Variants in KDM5C observed in about 807,000 individuals in gnomAD.
The protein encoded by KDM5C is lysine demethylase 5C.
KDM5C carries 16 observed loss-of-function variants against 110.6 expected under a neutral mutation model. That is an observed-to-expected ratio of 0.14 (90% CI 0.10 to 0.22). KDM5C has a LOEUF of 0.22. KDM5C is among the 10% of genes least tolerant of loss of function. The pLI is 1.00. For missense variants in KDM5C, 681 were observed against 1,300.9 expected (o/e 0.52, Z 7.33); for synonymous variants, 511 against 520.4 (o/e 0.98, Z 0.24).
intron 25 of KDM5C, among the ~76,000 whole-genome samples, chrX:53,184,107 C>T (rs112289115): frequency 0.029 from 3,260 of 112,346 alleles, 112 homozygotes; most frequent in African/African-American, 0.096. Context: ...TTTATTCTTT[C>T]AGATGCTATT....
chrX:53,193,876 AGGG>A, intron 23 of KDM5C, 25 bp from the exon 24 acceptor site: 1 of 1,175,731 alleles, frequency 8.5e-7, no homozygotes. Flanking sequence ...AAGAATAGGT[AGGG>A]GCAACTGAAG....
Position 53,194,173 on chromosome X carries a change from G to A in KDM5C, c.4004C>T (p.Pro1335Leu). 1.7e-6 allele frequency: 2 copies of A among 1,207,837 alleles called. No individual in the cohort carries two copies. Among genetic ancestry groups the A allele is most frequent in the Non-Finnish European group, 2.2e-6 (2 of 893,194 alleles). ...ATCCTTGCCACTGCCCTCTCTGAGG[G>A]GGTCAGAAGCAGGGGCTGCAGGGTA... The part of the protein sequence containing the change: ...PNYPAAPASD[P>L]LREGSGKDMP... The change falls in exon 23 of 26, where the codon CCC becomes CTC. Residue 1335 changes from proline to leucine, a missense_variant. Coordinates refer to ENST00000375401, the MANE Select transcript of KDM5C (RefSeq NM_004187.5).
chrX:53,213,744 A>C (rs1408539347), intron 8 of KDM5C, among the ~76,000 whole-genome samples: 1 of 111,977 alleles, frequency 8.9e-6, no homozygotes, highest in Non-Finnish European at 1.9e-5. Context: ...CCCATGATAC[A>C]CCATCTAAAA....
In KDM5C at chrX:53,193,159, CTCTTCCTCCTCCTGG is replaced by C; in HGVS notation, c.4476_4490del (p.Gln1493_Glu1497del). Reference sequence around the variant, plus strand: ...CCTCACCCCCAGTCTCCTCCTCCAGCTCTTCCTCCTCCTGGACCTCCTCAGCCTCTGGCCCTGAGC... The same window carrying C: ...CCTCACCCCCAGTCTCCTCCTCCAGCACCTCCTCAGCCTCTGGCCCTGAGC... On this transcript the variant is annotated inframe_deletion, in exon 26 of 26. Coordinates refer to ENST00000375401, the MANE Select transcript of KDM5C (RefSeq NM_004187.5). 8.3e-7 allele frequency: 1 copy of C among 1,210,868 alleles called. No homozygotes were observed. The highest frequency in any genetic ancestry group is 1.1e-6 in the Non-Finnish European group (1 of 895,221).
At chrX:53,212,306 CTTTTTT>C in intron 8 of KDM5C, 1 of 136,401 alleles carries the variant, frequency 7.3e-6, no homozygotes, top group Non-Finnish European at 1.4e-5. Flanking sequence ...AAATGTGATT[CTTTTTT>C]TTTTTTTTTT....
chrX:53,218,539 G>T, intron 2 of KDM5C, 141 bp from the exon 3 acceptor site: 1 of 720,739 alleles, frequency 1.4e-6, no homozygotes. Context: ...CCGGATCCCA[G>T]ACTCTAGGCA....
At chrX:53,182,035 G>A (rs182494562) in intron 25 of KDM5C, among the ~76,000 whole-genome samples, 6 of 110,777 alleles carry the variant, frequency 5.4e-5, no homozygotes, top group East Asian at 2.8e-4. Context: ...TGATTAGCCC[G>A]CCTCGGCCTC....
downstream of KDM5C, among the ~76,000 whole-genome samples, chrX:53,189,775 G>A: frequency 8.9e-6 from 1 of 112,979 alleles, no homozygotes; most frequent in East Asian, 2.8e-4. Context: ...GAGACAGACT[G>A]AGGCCTGGGC....
At chrX:53,222,591 C>T (rs2073927740) in intron 1 of KDM5C, among the ~76,000 whole-genome samples, 1 of 111,702 alleles carries the variant, frequency 9.0e-6, no homozygotes, top group South Asian at 3.8e-4. Flanking sequence ...TGGAATGCTA[C>T]GGCAGGAGCC....
chrX:53,225,144 C>T lies in KDM5C; in HGVS notation c.-255G>A. The T allele has an allele frequency of 2.9e-6, 1 of 349,717 alleles. No individual in the cohort carries two copies. The highest frequency in any genetic ancestry group is 7.8e-5 in the South Asian group (1 of 12,824). 28.8% of individuals were successfully genotyped at this position (349,717 alleles called of 1,213,427 possible). A position where few individuals can be genotyped will look rare whatever the true frequency, so the allele number is the denominator to read the frequency against. ...GTTGCCTCCCCACTACCGCAGCCTT[C>T]GCCACCACAGTTACCTCCCAAACGC... is the stretch of plus-strand genomic sequence containing the variant. On this transcript the variant is annotated 5_prime_UTR_variant, in exon 1 of 26. Coordinates refer to ENST00000375401, the MANE Select transcript of KDM5C (RefSeq NM_004187.5).
chrX:53,195,570 A>G lies in KDM5C; in HGVS notation c.3121-160T>C. On this transcript the variant is annotated intron_variant, in intron 20 of 25. Coordinates refer to ENST00000375401, the MANE Select transcript of KDM5C (RefSeq NM_004187.5). ...AACAACCACTTGGCTCTCTCCCACAACACCGGCATCTACTGACTGGCTCAG... is the reference window on the plus strand; with the variant it reads ...AACAACCACTTGGCTCTCTCCCACAGCACCGGCATCTACTGACTGGCTCAG... 3 of 543,692 alleles carry G rather than the reference A, an allele frequency of 5.5e-6. No individual in the cohort carries two copies. In the South Asian group the frequency reaches 8.2e-5, roughly 15 times the overall value. The allele number at this position is 543,692 out of a possible 1,213,427, so 44.8% of individuals were successfully genotyped here.
chrX:53,192,144 A>C (rs1357216014), downstream of KDM5C: 1 of 174,692 alleles, frequency 5.7e-6, no homozygotes, highest in Non-Finnish European at 1.1e-5. Flanking sequence ...AGAGAAATGC[A>C]CTTCAGAAAC....
At chrX:53,188,380 CT>C (rs782703729), downstream of KDM5C, among the ~76,000 whole-genome samples, 74 of 103,026 alleles carry the variant, frequency 7.2e-4, no homozygotes, top group East Asian at 2.1e-3. Flanking sequence ...AACTGACCTA[CT>C]TTTTTTTTTT....
At chrX:53,201,156 C>G in intron 14 of KDM5C, 5 of 203,697 alleles carry the variant, frequency 2.5e-5, no homozygotes, top group Non-Finnish European at 4.6e-5. Flanking sequence ...TATGAAAGAT[C>G]AAGTAACTTG....
intron 25 of KDM5C, among the ~76,000 whole-genome samples, chrX:53,177,330 C>G (rs1369974601): frequency 8.9e-6 from 1 of 112,019 alleles, no homozygotes; most frequent in Non-Finnish European, 1.9e-5. Context: ...ACAGTTTGAG[C>G]TATGATTGTG....
At chrX:53,224,203 C>G (rs2073971780) in intron 1 of KDM5C, among the ~76,000 whole-genome samples, 1 of 111,807 alleles carries the variant, frequency 8.9e-6, no homozygotes, top group African/African-American at 3.3e-5. Flanking sequence ...TAATTCAATC[C>G]TCTAAATAAC....
At chrX:53,214,628 A>C (rs982425850) in intron 8 of KDM5C, 61 bp downstream of exon 8, 1 of 1,143,800 alleles carries the variant, frequency 8.7e-7, no homozygotes, top group Non-Finnish European at 1.2e-6. Flanking sequence ...GCCCTCAATA[A>C]GGCCAGATGA....
intron 12 of KDM5C, among the ~76,000 whole-genome samples, chrX:53,204,154 C>CGAA (rs1324841547): frequency 1.0e-4 from 11 of 110,308 alleles, no homozygotes; most frequent in African/African-American, 3.3e-4. Flanking sequence ...GTGAGCTTCA[C>CGAA]TGTAGGGTGA....
intron 25 of KDM5C, among the ~76,000 whole-genome samples, chrX:53,184,308 T>C (rs1934156336): frequency 9.0e-6 from 1 of 111,651 alleles, no homozygotes; most frequent in Non-Finnish European, 1.9e-5. Context: ...GGCATGATCA[T>C]AGCTCACTAC....
Sources: allele counts gnomAD v4.1 joint callset (sites outside exome capture counted in the v4.1 genomes callset), GRCh38; gene constraint gnomAD v4.1.1; transcripts MANE v1.5; gene names NCBI Gene and HGNC (gene_info 2026-07-23, HGNC 2026-07-21).